RAPGEF2: variants seen among roughly 807,000 people sequenced by gnomAD.
The protein encoded by RAPGEF2 is Rap guanine nucleotide exchange factor 2.
Under a neutral mutation model 186.7 loss-of-function variants are expected in RAPGEF2, and 54 were observed. The ratio of observed to expected loss-of-function variants is 0.29; its 90% CI spans 0.23 to 0.36. The LOEUF (loss-of-function observed/expected upper bound fraction) is 0.36. RAPGEF2 is among the 10% of genes least tolerant of loss of function. The pLI is 1.00. For synonymous variants in RAPGEF2, 712 were observed against 705.9 expected (o/e 1.01, Z -0.14); for missense variants, 1,532 against 2,045.0 (o/e 0.75, Z 4.84).
intron 1 of RAPGEF2, among the ~76,000 whole-genome samples, chr4:159,179,456 G>C (rs1407648603): frequency 6.6e-6 from 1 of 152,114 alleles, no homozygotes; most frequent in Non-Finnish European, 1.5e-5. Flanking sequence ...CTCCCTGAAG[G>C]CCATACATTT....
intron 4 of RAPGEF2, among the ~76,000 whole-genome samples, chr4:159,220,825 A>G (rs1254491952): frequency 6.6e-6 from 1 of 152,218 alleles, no homozygotes; most frequent in Admixed American, 6.5e-5. Flanking sequence ...ATGTTTGCTA[A>G]ATTCTGTTGG....
At chr4:159,292,683 A>T (rs989016343) in intron 7 of RAPGEF2, among the ~76,000 whole-genome samples, 9 of 152,230 alleles carry the variant, frequency 5.9e-5, no homozygotes, top group Non-Finnish European at 1.0e-4. Flanking sequence ...AGCCTATTCA[A>T]TAAATTTTAT....
chr4:159,341,754 C>G lies in RAPGEF2; in HGVS notation c.2725C>G (p.Leu909Val). The stretch of plus-strand genomic sequence containing the variant: ...TGAATATATAGATGATTTATTTAAA[C>G]TCAGATCAAAAACCAGCTGTGCCAA... ...PTEYIDDLFKLRSKTSCANLK... is the reference protein window; with the variant it reads ...PTEYIDDLFKVRSKTSCANLK... Residue 909 changes from leucine to valine, a missense_variant, in exon 20 of 30, where the codon CTC becomes GTC. Transcript: ENST00000691494. The G allele has an allele frequency of 6.2e-7, 1 of 1,613,882 alleles. No individual in the cohort carries two copies.
In RAPGEF2 at chr4:159,304,386, C is replaced by T; in HGVS notation, c.588C>T (p.His196=). The change falls in exon 8 of 30, where the codon CAC becomes CAT. Residue 196 remains histidine, a synonymous_variant. Transcript: ENST00000691494. ...FTKLHLTDSL[H]PQVTHVSSSH... ...AACTGCATCTTACTGACAGTCTCCA[C>T]CCACAGGTGACCCACGTTTCTTCTA... The T allele has an allele frequency of 2.5e-6, 4 of 1,604,916 alleles. No homozygotes were observed. Among genetic ancestry groups the T allele is most frequent in the Non-Finnish European group, 3.4e-6 (4 of 1,172,052 alleles).
intron 1 of RAPGEF2, among the ~76,000 whole-genome samples, chr4:159,125,164 C>CCAAT (rs1264676706): frequency 6.6e-6 from 1 of 152,164 alleles, no homozygotes; most frequent in African/African-American, 2.4e-5. Flanking sequence ...ATACCACACC[C>CCAAT]CAATACCTGG....
chr4:159,356,784 C>A (rs151254907), intron 29 of RAPGEF2, among the ~76,000 whole-genome samples: 2,014 of 152,114 alleles, frequency 0.013, 13 homozygotes, highest in Admixed American at 0.02. Context: ...ACCTGTAATC[C>A]CAGCTGCTCG....
intron 1 of RAPGEF2, among the ~76,000 whole-genome samples, chr4:159,179,782 T>G (rs1196951384): frequency 6.6e-6 from 1 of 152,188 alleles, no homozygotes; most frequent in African/African-American, 2.4e-5. Context: ...TGTTTTGCAG[T>G]GGCCTTTCAT....
intron 1 of RAPGEF2, among the ~76,000 whole-genome samples, chr4:159,129,609 C>G (rs1049238386): frequency 6.6e-6 from 1 of 152,164 alleles, no homozygotes; most frequent in African/African-American, 2.4e-5. Context: ...TGCTTAAGAA[C>G]AAATAACTGA....
At chr4:159,228,669 A>G (rs11725166) in intron 4 of RAPGEF2, among the ~76,000 whole-genome samples, 26,308 of 152,148 alleles carry the variant, frequency 0.17, 2,407 homozygotes, top group Admixed American at 0.21. Context: ...AATACTTCTG[A>G]AATAGAAGCC....
At chr4:159,251,968 C>T (rs897071651) in intron 7 of RAPGEF2, among the ~76,000 whole-genome samples, 1 of 152,090 alleles carries the variant, frequency 6.6e-6, no homozygotes, top group African/African-American at 2.4e-5. Flanking sequence ...TCTGCAGCTT[C>T]CCTCCTGAAG....
intron 7 of RAPGEF2, chr4:159,268,246 A>C (rs761670712): frequency 1.4e-6 from 2 of 1,475,516 alleles, no homozygotes; most frequent in Non-Finnish European, 1.9e-6. Context: ...TTGTGCTTTG[A>C]TAGCACGTCA....
At chr4:159,321,680 C>T (rs1472313224) in intron 9 of RAPGEF2, among the ~76,000 whole-genome samples, 2 of 152,104 alleles carry the variant, frequency 1.3e-5, no homozygotes. Flanking sequence ...AATAGAAAAC[C>T]CAGTACTTGA....
intron 7 of RAPGEF2, among the ~76,000 whole-genome samples, chr4:159,299,507 G>T (rs1474609205): frequency 1.3e-5 from 2 of 151,788 alleles, no homozygotes; most frequent in Non-Finnish European, 2.9e-5. Flanking sequence ...AAAACTTGGG[G>T]ATCTGGTACC....
At chr4:159,306,841 A>C (rs1293803091) in intron 8 of RAPGEF2, among the ~76,000 whole-genome samples, 3 of 152,214 alleles carry the variant, frequency 2.0e-5, no homozygotes, top group Non-Finnish European at 4.4e-5. Context: ...TCATTGAATT[A>C]GCTTCCTTGT....
chr4:159,351,972 GGCCCCT>G (rs562984015), intron 26 of RAPGEF2, among the ~76,000 whole-genome samples: 119 of 152,232 alleles, frequency 7.8e-4, no homozygotes, highest in African/African-American at 2.8e-3. Context: ...AATCAAGATA[GGCCCCT>G]GCCATTGTGT....
intron 16 of RAPGEF2, 49 bp downstream of exon 16, chr4:159,332,083 T>C: frequency 7.9e-7 from 1 of 1,262,904 alleles, no homozygotes; most frequent in Non-Finnish European, 1.1e-6. Flanking sequence ...CCTTGTTTTT[T>C]AGTATTTCAA....
chr4:159,243,589 G>A (rs543464552), intron 6 of RAPGEF2, among the ~76,000 whole-genome samples, 185 bp from the exon 7 acceptor site: 4 of 152,152 alleles, frequency 2.6e-5, no homozygotes, highest in East Asian at 3.9e-4. Context: ...TAAAGTCATT[G>A]CAAGAGCATT....
intron 1 of RAPGEF2, among the ~76,000 whole-genome samples, chr4:159,185,289 C>A (rs1033216336): frequency 6.6e-6 from 1 of 152,140 alleles, no homozygotes; most frequent in Non-Finnish European, 1.5e-5. Context: ...CATAGAGTTA[C>A]CACGTGAACC....
At chr4:159,300,601 G>A (rs1762531922) in intron 7 of RAPGEF2, among the ~76,000 whole-genome samples, 1 of 151,850 alleles carries the variant, frequency 6.6e-6, no homozygotes. Context: ...ATTTTATTCA[G>A]GTAATTACTG....
Sources: gnomAD v4.1 joint callset for allele counts (sites outside exome capture counted in the v4.1 genomes callset) on GRCh38, gnomAD v4.1.1 for gene constraint, MANE v1.5 for transcripts, NCBI Gene and HGNC (gene_info 2026-07-23, HGNC 2026-07-21) for gene names.